The following ITGB6 variants were observed in gnomAD, a reference collection of about 807,000 sequenced individuals.
ITGB6 encodes integrin subunit beta 6, also known as integrin beta-6.
A neutral mutation model predicts 84.5 loss-of-function variants in ITGB6; 80 were observed. That is an observed-to-expected ratio of 0.95 (90% CI 0.79 to 1.14). ITGB6 has a LOEUF of 1.14. Ranked by LOEUF, ITGB6 falls within the 50% of genes most tolerant of loss-of-function variation. The pLI is 0.00. For synonymous variants in ITGB6, 383 were observed against 354.9 expected, an observed-to-expected ratio of 1.08 and a Z score of -0.89; for missense variants, 1,006 against 968.0, an observed-to-expected ratio of 1.04 and a Z score of -0.52.
At chr2:160,127,328 G>A (rs1322088269) in intron 10 of ITGB6, among the ~76,000 whole-genome samples, 2 of 152,098 alleles carry the variant, frequency 1.3e-5, no homozygotes, top group Non-Finnish European at 2.9e-5. Flanking sequence ...CTACCTGGAC[G>A]CTTCATCTGC....
chr2:160,195,201 C>A, intron 4 of ITGB6, among the ~76,000 whole-genome samples, 168 bp downstream of exon 4: 1 of 152,208 alleles, frequency 6.6e-6, no homozygotes, highest in Non-Finnish European at 1.5e-5. Context: ...GTTCAGATGA[C>A]CTCACCTCCA....
At chr2:160,144,377 TAC>T (rs983660492) in intron 7 of ITGB6, among the ~76,000 whole-genome samples, 1 of 152,132 alleles carries the variant, frequency 6.6e-6, no homozygotes, top group Non-Finnish European at 1.5e-5. Flanking sequence ...ACTTGTAAAA[TAC>T]AAGGAAGGCA....
At chr2:160,133,795 C>T (rs1002211045) in intron 10 of ITGB6, among the ~76,000 whole-genome samples, 12 of 152,328 alleles carry the variant, frequency 7.9e-5, no homozygotes, top group Admixed American at 3.9e-4. Flanking sequence ...CAACCTGCAA[C>T]TGAATGACTA....
At chr2:160,195,095 C>T (rs1439880609) in intron 4 of ITGB6, among the ~76,000 whole-genome samples, 1 of 152,146 alleles carries the variant, frequency 6.6e-6, no homozygotes, top group Non-Finnish European at 1.5e-5. Context: ...GTCTTGGTTC[C>T]CTCGCCTGCA....
intron 13 of ITGB6, among the ~76,000 whole-genome samples, chr2:160,108,775 C>A (rs1309400198): frequency 6.6e-6 from 1 of 152,152 alleles, no homozygotes; most frequent in Non-Finnish European, 1.5e-5. Context: ...CTTGAATATT[C>A]TATGAAATGT....
intron 7 of ITGB6, among the ~76,000 whole-genome samples, chr2:160,146,583 AC>A (rs1196555123): frequency 1.3e-5 from 2 of 152,192 alleles, no homozygotes; most frequent in Non-Finnish European, 2.9e-5. Flanking sequence ...TAATCTGCTC[AC>A]AAATTTCTCT....
intron 4 of ITGB6, among the ~76,000 whole-genome samples, chr2:160,188,068 C>T (rs963835832): frequency 2.0e-5 from 3 of 152,052 alleles, no homozygotes; most frequent in Admixed American, 6.5e-5. Flanking sequence ...TTATTATTCC[C>T]GTTTATAGGT....
rs1305530492 is a variant in ITGB6 at position 160,123,781 on chromosome 2, C to A, written c.1981+10G>T. 4 of 1,606,712 alleles carry A rather than the reference C, an allele frequency of 2.5e-6. No individual in the cohort carries two copies. The African/African-American group carries it at 4.0e-5, about 16-fold the overall frequency. ...TAAGGAAATGAAAAACAATTTAAGACAAGCAGAACCTTCTTCTTCACTGAT... is the reference window on the plus strand; with the variant it reads ...TAAGGAAATGAAAAACAATTTAAGAAAAGCAGAACCTTCTTCTTCACTGAT... On this transcript the variant is annotated intron_variant, in intron 12 of 14. Transcript: ENST00000283249.
chr2:160,126,139 G>A (rs1025155900), intron 11 of ITGB6, among the ~76,000 whole-genome samples: 2 of 152,184 alleles, frequency 1.3e-5, no homozygotes, highest in African/African-American at 4.8e-5. Flanking sequence ...CCCCACACTA[G>A]TCTCTAGCAG....
chr2:160,145,270 G>C (rs888941645), intron 7 of ITGB6, among the ~76,000 whole-genome samples: 1 of 152,146 alleles, frequency 6.6e-6, no homozygotes, highest in Non-Finnish European at 1.5e-5. Flanking sequence ...AGAAATGCAA[G>C]CTCTTATGCT....
chr2:160,158,925 C>T (rs1684722958), intron 7 of ITGB6, among the ~76,000 whole-genome samples: 1 of 151,952 alleles, frequency 6.6e-6, no homozygotes, highest in African/African-American at 2.4e-5. Context: ...ATGGTGAAAC[C>T]CCGTCTCTAA....
intron 6 of ITGB6, 100 bp downstream of exon 6, chr2:160,172,469 G>GCTTT (rs1685243898): frequency 8.6e-7 from 1 of 1,168,110 alleles, no homozygotes. Context: ...AATGTGCACT[G>GCTTT]CTTTCACCAA....
intron 7 of ITGB6, among the ~76,000 whole-genome samples, chr2:160,152,092 T>C (rs1684446506): frequency 1.3e-5 from 2 of 152,172 alleles, no homozygotes; most frequent in Non-Finnish European, 2.9e-5. Flanking sequence ...CCCTAACTCA[T>C]TTTATGAGGC....
intron 4 of ITGB6, among the ~76,000 whole-genome samples, chr2:160,181,968 C>CA (rs1392165324): frequency 2.6e-5 from 4 of 152,076 alleles, no homozygotes; most frequent in South Asian, 4.1e-4. Flanking sequence ...GACGTCCACA[C>CA]AAAAAACCCC....
intron 4 of ITGB6, among the ~76,000 whole-genome samples, chr2:160,182,528 G>A (rs1685720882): frequency 6.6e-6 from 1 of 152,252 alleles, no homozygotes; most frequent in African/African-American, 2.4e-5. Context: ...TGGTGTACCT[G>A]AAAGTGATGG....
intron 7 of ITGB6, among the ~76,000 whole-genome samples, chr2:160,163,361 G>A (rs1684887920): frequency 1.3e-5 from 2 of 152,216 alleles, no homozygotes; most frequent in South Asian, 4.1e-4. Flanking sequence ...ACCAGGAGCA[G>A]TGCCTCACAC....
intron 12 of ITGB6, among the ~76,000 whole-genome samples, chr2:160,114,252 G>A (rs1414448225): frequency 6.6e-5 from 10 of 152,134 alleles, no homozygotes; most frequent in Admixed American, 6.5e-4. Context: ...GTTTCATGGT[G>A]TTTGGGTATT....
rs1017902706 is a variant in ITGB6 at position 160,165,334 on chromosome 2, C to T, written c.1017+3878G>A. On this transcript the variant is annotated intron_variant, in intron 7 of 14. Coordinates refer to ENST00000283249, the MANE Select transcript of ITGB6 (RefSeq NM_000888.5). ...GGTCATTGACTGTTGAGGCTGAAAT[C>T]TTCCCGCCCAGTCTTTTTTATTGCC... is the stretch of plus-strand genomic sequence containing the variant. Among the ~76,000 whole-genome samples the T allele has an allele frequency of 2.0e-5, 3 of 152,192 alleles. No individual in the cohort carries two copies. In the East Asian group the frequency reaches 5.8e-4, roughly 29 times the overall value.
intron 12 of ITGB6, among the ~76,000 whole-genome samples, chr2:160,119,910 G>C (rs1682954792): frequency 6.6e-6 from 1 of 152,122 alleles, no homozygotes; most frequent in South Asian, 2.1e-4. Flanking sequence ...AAAGACACAT[G>C]AAAAAATGCT....
Sources: allele counts gnomAD v4.1 joint callset (sites outside exome capture counted in the v4.1 genomes callset), GRCh38; gene constraint gnomAD v4.1.1; transcripts MANE v1.5; gene names NCBI Gene and HGNC (gene_info 2026-07-23, HGNC 2026-07-21).